The following MAGEA6 variants were observed in gnomAD, a reference collection of about 807,000 sequenced individuals.
MAGEA6 encodes MAGE family member A6, also known as melanoma-associated antigen 6.
For missense variants in MAGEA6, 281 were observed against 231.4 expected (o/e 1.21, Z -1.39); for synonymous variants, 100 against 98.8 (o/e 1.01, Z -0.07).
In MAGEA6 at chrX:152,766,745, T is replaced by C; in HGVS notation, c.906A>G (p.Pro302=). The change falls in exon 3 of 3, where the codon CCA becomes CCG. Residue 302 remains proline, a synonymous_variant. Transcript: ENST00000329342. ...CTCTCAAAGCCCACTCATGCAGGAGTGGGTAGGAAATGCGAGGTCCTCCAC... is the reference window on the plus strand; with the variant it reads ...CTCTCAAAGCCCACTCATGCAGGAGCGGGTAGGAAATGCGAGGTCCTCCAC... ...KISGGPRISY[P]LLHEWALREG... is the part of the protein sequence containing the mutation. 8.3e-7 allele frequency: 1 copy of C among 1,208,122 alleles called. No homozygotes were observed. The highest frequency in any genetic ancestry group is 1.8e-5 in the African/African-American group (1 of 57,080).
chrX:152,766,806 C>T lies in MAGEA6; in HGVS notation c.845G>A (p.Ser282Asn), dbSNP rs1556827119. 1.4e-5 allele frequency: 17 copies of T among 1,209,193 alleles called. No individual in the cohort carries two copies. The East Asian group carries it at 5.0e-4, about 36-fold the overall frequency. Residue 282 changes from serine to asparagine, a missense_variant, in exon 3 of 3, where the codon AGC becomes AAC. Physicochemically the swap from Ser to Asn is conservative, Grantham distance 46. Coordinates refer to ENST00000329342, the MANE Select transcript of MAGEA6 (RefSeq NM_005363.5). ...LWGPRALIET[S>N]YVKVLHHMVK... ...CATATGGTGCAGGACTTTCACATAG[C>T]TGGTTTCAATGAGGGCCCTTGGACC...
rs782462698 is a variant in MAGEA6, at chrX:152,767,078, A to G, written c.573T>C (p.Gly191=). 2.5e-6 allele frequency: 3 copies of G among 1,208,831 alleles called. No homozygotes were observed. The highest frequency in any genetic ancestry group is 2.2e-5 in the Admixed American group (1 of 45,749). ...CTGTCTTGGGCATGATCTGATTGTC[A>G]CCCAGCAGGCCATCGTAGGAGAGGC... ...CLGLSYDGLL[G]DNQIMPKTGF... is the part of the protein sequence containing the mutation. The change falls in exon 3 of 3, where the codon GGT becomes GGC. Residue 191 remains glycine (G), a synonymous_variant. Transcript: ENST00000329342.
In MAGEA6 at chrX:152,767,754, T is replaced by A. The variant is rs1932762251; in HGVS notation, c.-65-39A>T. 1.1e-5 allele frequency: 4 copies of A among 360,771 alleles called. No homozygotes were observed. The East Asian group carries it at 1.9e-4, about 17-fold the overall frequency. 29.7% of individuals were successfully genotyped at this position (360,771 alleles called of 1,213,427 possible). Reference sequence around the variant, plus strand: ...GAGCATGTGAGAGACCTCAGCTGAGTACTGAATGGAACCTTGGAGGCTCTA... The same window carrying A: ...GAGCATGTGAGAGACCTCAGCTGAGAACTGAATGGAACCTTGGAGGCTCTA... On this transcript the variant is annotated intron_variant, in intron 2 of 2. Coordinates refer to ENST00000329342, the MANE Select transcript of MAGEA6 (RefSeq NM_005363.5).
In MAGEA6 at chrX:152,767,474, T is replaced by C. The variant is rs2124944557; in HGVS notation, c.177A>G (p.Pro59=). The C allele has an allele frequency of 8.6e-6, 10 of 1,162,215 alleles. No individual in the cohort carries two copies. Among genetic ancestry groups the C allele is most frequent in the Middle Eastern group, 2.4e-4 (1 of 4,146 alleles). Residue 59 remains proline, a synonymous_variant, in exon 3 of 3, where the codon CCA becomes CCG. Transcript: ENST00000329342. ...TLGEVPAAES[P]DPPQSPQGAS... is the part of the protein sequence containing the mutation. Reference sequence around the variant, plus strand: ...CTCCCTGAGGACTCTGGGGAGGATCTGGTGACTCGGCAGCAGGCACCTCCC... The same window carrying C: ...CTCCCTGAGGACTCTGGGGAGGATCCGGTGACTCGGCAGCAGGCACCTCCC...
chrX:152,766,733 C>G lies in MAGEA6; in HGVS notation c.918G>C (p.Glu306Asp). 1 of 1,210,299 alleles carries G rather than the reference C, an allele frequency of 8.3e-7. No homozygotes were observed. The highest frequency in any genetic ancestry group is 1.1e-6 in the Non-Finnish European group (1 of 894,499). ...GPRISYPLLHEWALREGEE is the reference protein window; with the variant it reads ...GPRISYPLLHDWALREGEE ...ACTCTTCCCCCTCTCTCAAAGCCCACTCATGCAGGAGTGGGTAGGAAATGC... is the reference window on the plus strand; with the variant it reads ...ACTCTTCCCCCTCTCTCAAAGCCCAGTCATGCAGGAGTGGGTAGGAAATGC... The change falls in exon 3 of 3, where the codon GAG becomes GAC. Residue 306 changes from glutamate to aspartate, a missense_variant. Physicochemically the swap from Glu to Asp is conservative, Grantham distance 45 (BLOSUM62 2). Transcript: ENST00000329342.
Position 152,766,849 on chromosome X carries a change from A to C in MAGEA6, c.802T>G (p.Cys268Gly). The C allele has an allele frequency of 3.3e-6, 4 of 1,210,895 alleles. No individual in the cohort carries two copies. The highest frequency in any genetic ancestry group is 4.5e-6 in the Non-Finnish European group (4 of 894,785). Residue 268 changes from cysteine (C) to glycine (G), a missense_variant, in exon 3 of 3, where the codon TGC becomes GGC. Cys to Gly is a radical substitution (Grantham distance 159). Coordinates refer to ENST00000329342, the MANE Select transcript of MAGEA6 (RefSeq NM_005363.5). ...CTTGGACCCCACAGGAACTCATAGC[A>C]TGCAGGATCACTGCCGGGGACCTGC... ...YRQVPGSDPA[C>G]YEFLWGPRAL...
In MAGEA6 at chrX:152,766,823, C is replaced by A. The variant is rs2124947630; in HGVS notation, c.828G>T (p.Arg276Ser). 5.0e-6 allele frequency: 6 copies of A among 1,209,081 alleles called. No homozygotes were observed. ...TCACATAGCTGGTTTCAATGAGGGC[C>A]CTTGGACCCCACAGGAACTCATAGC... ...PACYEFLWGP[R>S]ALIETSYVKV... The change falls in exon 3 of 3, where the codon AGG (arginine) becomes AGT (serine). Residue 276 changes from arginine (R) to serine (S), a missense_variant. Transcript: ENST00000329342.
In MAGEA6 at chrX:152,767,253, G is replaced by C; in HGVS notation, c.398C>G (p.Ala133Gly). The C allele has an allele frequency of 8.3e-7, 1 of 1,210,694 alleles. No homozygotes were observed. Among genetic ancestry groups the C allele is most frequent in the Non-Finnish European group, 1.1e-6 (1 of 894,707 alleles). Residue 133 changes from alanine (A) to glycine (G), a missense_variant, in exon 3 of 3, where the codon GCA (alanine) becomes GGA (glycine). By Grantham distance (60) the Ala-to-Gly change is moderately conservative (BLOSUM62 0). Transcript: ENST00000329342. ...KYRAREPVTK[A>G]EMLGSVVGNW... ...TCCGACGACACTCCCCAGCATTTCT[G>C]CCTTTGTGACCGGCTCCCTGGCTCG...
At position 152,767,326 on chromosome X, in the gene MAGEA6, G is replaced by A; in HGVS notation, c.325C>T (p.Leu109Phe). ...ACCAACTTGGCCACCTTCCTACTGA[G>A]TGCTGCTTGGAACTCAGACTCCAGG... Reference protein sequence around the residue: ...PDLESEFQAALSRKVAKLVHF... With the variant: ...PDLESEFQAAFSRKVAKLVHF... Residue 109 changes from leucine (L) to phenylalanine (F), a missense_variant, in exon 3 of 3, where the codon CTC becomes TTC. Coordinates refer to ENST00000329342, the MANE Select transcript of MAGEA6 (RefSeq NM_005363.5). 8.3e-7 allele frequency: 1 copy of A among 1,210,338 alleles called. No individual in the cohort carries two copies. The highest frequency in any genetic ancestry group is 1.1e-6 in the Non-Finnish European group (1 of 894,561).
chrX:152,766,170 C>T lies in MAGEA6; in HGVS notation c.*536G>A, dbSNP rs1932709581. 2 of 68,754 alleles carry T rather than the reference C, an allele frequency of 2.9e-5. No individual in the cohort carries two copies. The highest frequency in any genetic ancestry group is 5.5e-5 in the Non-Finnish European group (2 of 36,482). 5.7% of individuals were successfully genotyped at this position (68,754 alleles called of 1,213,427 possible). On this transcript the variant is annotated 3_prime_UTR_variant, in exon 3 of 3. Transcript: ENST00000329342. The stretch of plus-strand genomic sequence containing the variant: ...AGAATTATTTATTCAGATTTAATTT[C>T]GCTTGCATTCTCAAAGAAGTCAAGG...
chrX:152,766,865 G>T lies in MAGEA6; in HGVS notation c.786C>A (p.Pro262=), dbSNP rs370647045. Reference sequence around the variant, plus strand: ...ACTCATAGCATGCAGGATCACTGCCGGGGACCTGCCGGTACTCCAGGTAGT... The same window carrying T: ...ACTCATAGCATGCAGGATCACTGCCTGGGACCTGCCGGTACTCCAGGTAGT... ...QENYLEYRQV[P]GSDPACYEFL... Residue 262 remains proline, a synonymous_variant, in exon 3 of 3, where the codon CCC becomes CCA. Coordinates refer to ENST00000329342, the MANE Select transcript of MAGEA6 (RefSeq NM_005363.5). The T allele has an allele frequency of 1.7e-6, 2 of 1,210,878 alleles. No homozygotes were observed. Among genetic ancestry groups the T allele is most frequent in the Non-Finnish European group, 2.2e-6 (2 of 894,758 alleles).
chrX:152,766,311 C>T lies in MAGEA6; in HGVS notation c.*395G>A, dbSNP rs1386727804. On this transcript the variant is annotated 3_prime_UTR_variant, in exon 3 of 3. Coordinates refer to ENST00000329342, the MANE Select transcript of MAGEA6 (RefSeq NM_005363.5). ...ATGTATGTTATTGCTAATTCGCTCA[C>T]AATTTTAAGCAAATACTTTTACCAC... 1 of 215,636 alleles carries T rather than the reference C, an allele frequency of 4.6e-6. No individual in the cohort carries two copies. The highest frequency in any genetic ancestry group is 3.6e-5 in the African/African-American group (1 of 28,027). 17.8% of individuals were successfully genotyped at this position (215,636 alleles called of 1,213,427 possible).
chrX:152,766,729 C>T lies in MAGEA6; in HGVS notation c.922G>A (p.Ala308Thr), dbSNP rs2124948158. Residue 308 changes from alanine (A) to threonine (T), a missense_variant, in exon 3 of 3, where the codon GCT (alanine) becomes ACT (threonine). Transcript: ENST00000329342. ...RISYPLLHEW[A>T]LREGEE is the part of the protein sequence containing the mutation. Reference sequence around the variant, plus strand: ...ACTCACTCTTCCCCCTCTCTCAAAGCCCACTCATGCAGGAGTGGGTAGGAA... The same window carrying T: ...ACTCACTCTTCCCCCTCTCTCAAAGTCCACTCATGCAGGAGTGGGTAGGAA... 1.7e-6 allele frequency: 2 copies of T among 1,210,013 alleles called. No individual in the cohort carries two copies. Among genetic ancestry groups the T allele is most frequent in the East Asian group, 3.0e-5 (1 of 33,790 alleles).
In MAGEA6 at chrX:152,766,647, G is replaced by T; in HGVS notation, c.*59C>A. 1 of 1,156,233 alleles carries T rather than the reference G, an allele frequency of 8.6e-7. No homozygotes were observed. The highest frequency in any genetic ancestry group is 1.2e-6 in the Non-Finnish European group (1 of 860,633). The stretch of plus-strand genomic sequence containing the variant: ...AGTGGAAACTAAGGGATGGGGCCCC[G>T]GAAGGTGCACTGGCCCAAACCCCCT... On this transcript the variant is annotated 3_prime_UTR_variant, in exon 3 of 3. Transcript: ENST00000329342.
Position 152,766,841 on chromosome X carries a change from C to T in MAGEA6, c.810G>A (p.Glu270=), listed in dbSNP as rs1556827041. The T allele has an allele frequency of 7.5e-5, 91 of 1,209,223 alleles. No homozygotes were observed. Among genetic ancestry groups the T allele is most frequent in the African/African-American group, 2.6e-4 (15 of 57,144 alleles). Residue 270 remains glutamate, a synonymous_variant, in exon 3 of 3, where the codon GAG becomes GAA. Transcript: ENST00000329342. ...QVPGSDPACY[E]FLWGPRALIE... The stretch of plus-strand genomic sequence containing the variant: ...TGAGGGCCCTTGGACCCCACAGGAA[C>T]TCATAGCATGCAGGATCACTGCCGG...
At position 152,767,542 on chromosome X, in the gene MAGEA6, C is replaced by T. The variant is rs1307221721; in HGVS notation, c.109G>A (p.Glu37Lys). The change falls in exon 3 of 3, where the codon GAG becomes AAG. Residue 37 changes from glutamate (E) to lysine (K), a missense_variant. Transcript: ENST00000329342. ...GAQAPATEEQ[E>K]AASSSSTLVE... ...AGAGTAGAAGAGGAGGAGGCAGCCT[C>T]CTGCTCCTCAGTAGCAGGAGCCTGC... is the stretch of plus-strand genomic sequence containing the variant. 3.1e-6 allele frequency: 3 copies of T among 958,749 alleles called. No homozygotes were observed. Among genetic ancestry groups the T allele is most frequent in the African/African-American group, 2.3e-5 (1 of 44,063 alleles). 79.0% of individuals were successfully genotyped at this position (958,749 alleles called of 1,213,427 possible). A position where few individuals can be genotyped will look rare whatever the true frequency, so the allele number is the denominator to read the frequency against.
rs1932745700 is a variant in MAGEA6, at chrX:152,767,030, G to A, written c.621C>T (p.Ala207=). ...PKTGFLIIIL[A]IIAKEGDCAP... is the part of the protein sequence containing the mutation. The stretch of plus-strand genomic sequence containing the variant: ...CACAGTCGCCCTCTTTTGCGATTAT[G>A]GCCAGGATGATTATCAGGAAGCCTG... The change falls in exon 3 of 3, where the codon GCC becomes GCT. Residue 207 remains alanine, a synonymous_variant. Transcript: ENST00000329342. 2.5e-6 allele frequency: 3 copies of A among 1,208,885 alleles called. No individual in the cohort carries two copies. The highest frequency in any genetic ancestry group is 2.2e-5 in the Admixed American group (1 of 45,768).
chrX:152,766,520 A>T lies in MAGEA6; in HGVS notation c.*186T>A. 2.1e-6 allele frequency: 1 copy of T among 476,404 alleles called. No individual in the cohort carries two copies. The allele number at this position is 476,404 out of a possible 1,213,427, so 39.3% of individuals were successfully genotyped here. On this transcript the variant is annotated 3_prime_UTR_variant, in exon 3 of 3. Transcript: ENST00000329342. ...CATTTGAACAACTCCAACAGGAAAC[A>T]AAGAATAATCTCAAAGTCATCCAAC...
In MAGEA6 at chrX:152,766,911, G is replaced by C; in HGVS notation, c.740C>G (p.Thr247Ser). 1 of 1,210,903 alleles carries C rather than the reference G, an allele frequency of 8.3e-7. No individual in the cohort carries two copies. The highest frequency in any genetic ancestry group is 1.8e-5 in the South Asian group (1 of 56,886). Residue 247 changes from threonine (T) to serine (S), a missense_variant, in exon 3 of 3, where the codon ACC (threonine) becomes AGC (serine). Coordinates refer to ENST00000329342, the MANE Select transcript of MAGEA6 (RefSeq NM_005363.5). ...SIFGDPKKLL[T>S]QYFVQENYLE... ...GTAGTTTTCCTGCACGAAATATTGG[G>C]TGAGCAGCTTCTTGGGATCCCCGAA...
Sources: allele counts gnomAD v4.1 joint callset, GRCh38; gene constraint gnomAD v4.1.1; transcripts MANE v1.5; gene names NCBI Gene and HGNC (gene_info 2026-07-23, HGNC 2026-07-21).